The following POU2F1 variants were observed in gnomAD, a reference collection of about 807,000 sequenced individuals.
POU2F1 encodes POU class 2 homeobox 1, also known as POU domain, class 2, transcription factor 1.
POU2F1 carries 16 observed loss-of-function variants against 84.9 expected under a neutral mutation model. The observed-to-expected ratio is 0.19, with a 90% confidence interval of 0.13 to 0.29. The LOEUF is 0.29. POU2F1 is among the 10% of genes least tolerant of loss of function. The pLI, the probability that POU2F1 is intolerant of heterozygous loss-of-function variation, is 1.00. For missense variants in POU2F1, 738 were observed against 942.6 expected (o/e 0.78, Z 2.84); for synonymous variants, 368 against 368.3 (o/e 1.00, Z 0.01).
chr1:167,376,239 C>A, intron 7 of POU2F1, 84 bp downstream of exon 7: 1 of 1,396,074 alleles, frequency 7.2e-7, no homozygotes. Context: ...ATCATTTTGG[C>A]CCTGAAACTA....
At chr1:167,320,618 C>T (rs1037060327) in intron 1 of POU2F1, among the ~76,000 whole-genome samples, 3 of 152,006 alleles carry the variant, frequency 2.0e-5, no homozygotes, top group Admixed American at 1.3e-4. Flanking sequence ...AGCATAGTAG[C>T]AATTTGATCC....
rs1366183726 is a variant in POU2F1, at chr1:167,417,604, A to T, written c.*1794A>T. On this transcript the variant is annotated 3_prime_UTR_variant, in exon 16 of 16. Coordinates refer to ENST00000367866, the MANE Select transcript of POU2F1 (RefSeq NM_002697.4). Reference sequence around the variant, plus strand: ...CTAAGTTCCCCTTCTTATTGGAGTTAAAGGTTCCCATTTGGTGGCTGTGGG... The same window carrying T: ...CTAAGTTCCCCTTCTTATTGGAGTTTAAGGTTCCCATTTGGTGGCTGTGGG... The T allele has an allele frequency of 1.3e-5, 2 of 152,346 alleles. No homozygotes were observed. Among genetic ancestry groups the T allele is most frequent in the African/African-American group, 4.8e-5 (2 of 41,572 alleles). The allele number at this position is 152,346 out of a possible 1,614,324, so 9.4% of individuals were successfully genotyped here.
At chr1:167,298,571 T>G (rs960589090) in intron 1 of POU2F1, among the ~76,000 whole-genome samples, 1 of 152,134 alleles carries the variant, frequency 6.6e-6, no homozygotes, top group African/African-American at 2.4e-5. Context: ...AACAAACACT[T>G]CCCTTTGAAT....
chr1:167,234,923 C>G (rs1649340749), intron 1 of POU2F1, among the ~76,000 whole-genome samples: 2 of 152,124 alleles, frequency 1.3e-5, no homozygotes, highest in Admixed American at 1.3e-4. Context: ...TGAGTTGTGA[C>G]TTAAAATTAA....
intron 13 of POU2F1, among the ~76,000 whole-genome samples, chr1:167,402,567 T>C (rs981619379): frequency 1.3e-4 from 20 of 152,206 alleles, no homozygotes; most frequent in African/African-American, 4.6e-4. Flanking sequence ...CTACAGACTT[T>C]TCCTCACACA....
chr1:167,347,243 A>G (rs1001971693), intron 2 of POU2F1, among the ~76,000 whole-genome samples: 4 of 152,266 alleles, frequency 2.6e-5, no homozygotes, highest in African/African-American at 7.2e-5. Flanking sequence ...TTGAAGTAGT[A>G]TATTATTTTC....
At chr1:167,346,154 G>A (rs1024898142) in intron 2 of POU2F1, among the ~76,000 whole-genome samples, 1 of 152,002 alleles carries the variant, frequency 6.6e-6, no homozygotes, top group Non-Finnish European at 1.5e-5. Flanking sequence ...CAGCCTGGGT[G>A]ACAGAGTGAG....
intron 1 of POU2F1, among the ~76,000 whole-genome samples, chr1:167,289,891 T>C (rs139418626): frequency 2.0e-5 from 3 of 152,220 alleles, no homozygotes; most frequent in Admixed American, 1.3e-4. Context: ...GCCAAATTAG[T>C]TGAATTATAA....
chr1:167,372,029 T>C lies in POU2F1; in HGVS notation c.395T>C (p.Ile132Thr), dbSNP rs1245376418. ...CAGCTTATGCTAGCTGGAGGACAGA[T>C]AACTGGGGTAAGTGTTCACTGAGAG... is the stretch of plus-strand genomic sequence containing the variant. ...QTQLMLAGGQ[I>T]TGLTLTPAQQ... is the part of the protein sequence containing the mutation. The change falls in exon 5 of 16, where the codon ATA (isoleucine) becomes ACA (threonine). Residue 132 changes from isoleucine (I) to threonine (T), a missense_variant. Physicochemically the swap from Ile to Thr is moderately conservative, Grantham distance 89. Transcript: ENST00000367866. The C allele has an allele frequency of 6.2e-7, 1 of 1,612,552 alleles. No homozygotes were observed. The highest frequency in any genetic ancestry group is 1.3e-5 in the African/African-American group (1 of 74,966).
intron 1 of POU2F1, among the ~76,000 whole-genome samples, chr1:167,299,863 A>G (rs1654554587): frequency 6.6e-6 from 1 of 152,032 alleles, no homozygotes; most frequent in African/African-American, 2.4e-5. Context: ...TTGGGCCCCC[A>G]CCTCCAGAGG....
chr1:167,259,347 C>T (rs1024535244), intron 1 of POU2F1, among the ~76,000 whole-genome samples: 1 of 152,144 alleles, frequency 6.6e-6, no homozygotes, highest in African/African-American at 2.4e-5. Context: ...TGCAAAATGG[C>T]ATGGATACAG....
Position 167,282,147 on chromosome 1 carries a change from A to AT in POU2F1, c.62-50311dup, listed in dbSNP as rs566582927. Among the ~76,000 whole-genome samples, 649 of 143,296 alleles carry AT rather than the reference A, an allele frequency of 4.5e-3. 7 individuals are homozygous for AT. Among genetic ancestry groups the AT allele is most frequent in the East Asian group, 0.03 (152 of 5,010 alleles). 94.0% of individuals were successfully genotyped at this position (143,296 alleles called of 152,430 possible). ...AGTAAACAAAAGAATTTTTTTTCTT[A>AT]TTTTTTTTTTTTCTGAGACGAGTCT... On this transcript the variant is annotated intron_variant, in intron 1 of 15. Coordinates refer to ENST00000367866, the MANE Select transcript of POU2F1 (RefSeq NM_002697.4).
intron 1 of POU2F1, among the ~76,000 whole-genome samples, chr1:167,319,592 A>G (rs35638224): frequency 0.012 from 1,838 of 152,110 alleles, 14 homozygotes; most frequent in South Asian, 0.026. Flanking sequence ...AAATGTAGCT[A>G]GAGCTTGGCT....
At chr1:167,232,472 A>T (rs946371457) in intron 1 of POU2F1, among the ~76,000 whole-genome samples, 12 of 152,198 alleles carry the variant, frequency 7.9e-5, no homozygotes, top group Admixed American at 6.5e-5. Context: ...ATAAAGAAAA[A>T]TTTTTTGTAT....
At chr1:167,349,961 A>G (rs1477285645) in intron 2 of POU2F1, among the ~76,000 whole-genome samples, 3 of 152,244 alleles carry the variant, frequency 2.0e-5, no homozygotes, top group African/African-American at 7.2e-5. Context: ...AACTGTAAAC[A>G]TGAACACATC....
chr1:167,294,317 C>T (rs1056121082), intron 1 of POU2F1, among the ~76,000 whole-genome samples: 1 of 151,862 alleles, frequency 6.6e-6, no homozygotes. Flanking sequence ...CCACTGCACT[C>T]CAGCCTGGGC....
intron 2 of POU2F1, among the ~76,000 whole-genome samples, chr1:167,358,037 C>T (rs905863985): frequency 6.6e-6 from 1 of 151,182 alleles, no homozygotes; most frequent in African/African-American, 2.4e-5. Flanking sequence ...CTCTTGACCT[C>T]GTGATCTGCC....
chr1:167,341,926 C>A (rs760366146), intron 2 of POU2F1, among the ~76,000 whole-genome samples: 1 of 152,084 alleles, frequency 6.6e-6, no homozygotes, highest in African/African-American at 2.4e-5. Flanking sequence ...AGAGTTTGGC[C>A]ATCCAGCAGC....
intron 1 of POU2F1, among the ~76,000 whole-genome samples, chr1:167,235,773 T>C (rs1328214511): frequency 1.3e-5 from 2 of 152,206 alleles, no homozygotes; most frequent in Non-Finnish European, 2.9e-5. Flanking sequence ...TCATATTCTT[T>C]GCAGTAACTT....
Sources: gnomAD v4.1 joint callset for allele counts (sites outside exome capture counted in the v4.1 genomes callset) on GRCh38, gnomAD v4.1.1 for gene constraint, MANE v1.5 for transcripts, NCBI Gene and HGNC (gene_info 2026-07-23, HGNC 2026-07-21) for gene names.